PSG8: variants seen among roughly 807,000 people sequenced by gnomAD.
PSG8 encodes pregnancy-specific beta-1-glycoprotein 8.
A neutral mutation model predicts 42.5 loss-of-function variants in PSG8; 57 were observed. That is an observed-to-expected ratio of 1.34 (90% CI 1.08 to 1.67). The LOEUF (loss-of-function observed/expected upper bound fraction) is 1.67. Among genes scored for constraint, PSG8 ranks in the 40% most tolerant of loss-of-function variants. The probability of loss-of-function intolerance (pLI) is 0.00; values close to 1 mark genes in which losing one functional copy is unlikely to be tolerated. For synonymous variants in PSG8, 280 were observed against 196.8 expected (o/e 1.42, Z -3.54); for missense variants, 783 against 518.6 (o/e 1.51, Z -4.95).
At position 42,757,992 on chromosome 19, in the gene PSG8, A is replaced by G. The variant is rs1204683664; in HGVS notation, c.709+10T>C. The G allele has an allele frequency of 4.3e-6, 7 of 1,613,888 alleles. No homozygotes were observed. The highest frequency in any genetic ancestry group is 5.1e-6 in the Non-Finnish European group (6 of 1,179,950). On this transcript the variant is annotated intron_variant, in intron 3 of 4. Coordinates refer to ENST00000306511, the MANE Select transcript of PSG8 (RefSeq NM_182707.3). ...GCAGCCTGGCTCACAGAGGAACAGA[A>G]AATACTCACGGAGGAGATTCAGGGT...
chr19:42,757,381 C>A (rs1474163568), intron 3 of PSG8, among the ~76,000 whole-genome samples: 2 of 152,032 alleles, frequency 1.3e-5, no homozygotes, highest in African/African-American at 4.8e-5. Flanking sequence ...TTTGTTCCAG[C>A]AGTGGCTGAG....
downstream of PSG8, chr19:42,754,062 T>C: frequency 9.2e-7 from 1 of 1,082,164 alleles, no homozygotes; most frequent in East Asian, 2.7e-5. Context: ...ATGAAAATCA[T>C]AAAAACATTA....
intron 2 of PSG8, among the ~76,000 whole-genome samples, chr19:42,763,512 G>A (rs919640986): frequency 4.6e-5 from 7 of 152,158 alleles, no homozygotes; most frequent in African/African-American, 1.7e-4. Context: ...CAAGGATTTA[G>A]GGACACTGTT....
At position 42,764,342 on chromosome 19, in the gene PSG8, G is replaced by T. The variant is rs547448562; in HGVS notation, c.65-61C>A. The T allele has an allele frequency of 1.2e-5, 18 of 1,559,114 alleles. No individual in the cohort carries two copies. In the East Asian group the frequency reaches 4.0e-4, roughly 35 times the overall value. On this transcript the variant is annotated intron_variant, in intron 1 of 4. Transcript: ENST00000306511. ...GCTATGTATTGGTGTGAAAACATGG[G>T]GCCCTGGGTCCTGAGAAGTTCTCTT...
intron 3 of PSG8, among the ~76,000 whole-genome samples, chr19:42,756,297 T>G (rs1029408978): frequency 7.2e-5 from 11 of 152,164 alleles, no homozygotes; most frequent in African/African-American, 2.7e-4. Flanking sequence ...GACTGCTGGT[T>G]GCCAGGAGCT....
intron 2 of PSG8, among the ~76,000 whole-genome samples, chr19:42,761,256 G>A (rs1011384815): frequency 6.6e-6 from 1 of 152,182 alleles, no homozygotes; most frequent in East Asian, 1.9e-4. Context: ...TAAATTTGAA[G>A]CAAGAATGAT....
chr19:42,754,467 C>T lies in PSG8; in HGVS notation c.1109G>A (p.Gly370Glu), dbSNP rs766168104. The T allele has an allele frequency of 1.9e-6, 3 of 1,613,884 alleles. No homozygotes were observed. The highest frequency in any genetic ancestry group is 1.7e-5 in the Admixed American group (1 of 60,000). Residue 370 changes from glycine to glutamate, a missense_variant, in exon 5 of 5, where the codon GGG (glycine) becomes GAG (glutamate). Physicochemically the swap from Gly to Glu is moderately conservative, Grantham distance 98. Transcript: ENST00000306511. ...PPAQYSWTIN[G>E]KFQLSGQKLF... The stretch of plus-strand genomic sequence containing the variant: ...CTTTTGTCCTGATAGCTGAAACTTC[C>T]CATTAATTGTCCAAGAATACTGTGC...
At chr19:42,765,238 T>C (rs1417324039) in intron 1 of PSG8, among the ~76,000 whole-genome samples, 2 of 151,774 alleles carry the variant, frequency 1.3e-5, no homozygotes, top group African/African-American at 2.4e-5. Context: ...CTGCAACTTC[T>C]GCCTCCTGGG....
Position 42,764,183 on chromosome 19 carries a change from C to G in PSG8, c.163G>C (p.Val55Leu), listed in dbSNP as rs758194328. 1 of 1,613,852 alleles carries G rather than the reference C, an allele frequency of 6.2e-7. No individual in the cohort carries two copies. Among genetic ancestry groups the G allele is most frequent in the Non-Finnish European group, 8.5e-7 (1 of 1,179,904 alleles). Reference sequence around the variant, plus strand: ...GTAAGATTCTGGGGCAAATTGTGGACAAGTAGAAGAACATCCTTCCCCTCA... The same window carrying G: ...GTAAGATTCTGGGGCAAATTGTGGAGAAGTAGAAGAACATCCTTCCCCTCA... ...VSEGKDVLLLVHNLPQNLTGY... is the reference protein window; with the variant it reads ...VSEGKDVLLLLHNLPQNLTGY... The change falls in exon 2 of 5, where the codon GTC becomes CTC. Residue 55 changes from valine to leucine, a missense_variant. Transcript: ENST00000306511.
chr19:42,754,253 A>T lies in PSG8; in HGVS notation c.*42T>A, dbSNP rs1969851919. On this transcript the variant is annotated 3_prime_UTR_variant, in exon 5 of 5. Coordinates refer to ENST00000306511, the MANE Select transcript of PSG8 (RefSeq NM_182707.3). ...CCATGGGACGCAGGCTGGGAATAAAAATGTTTTCCTGACTCTTCCCTGAAG... is the reference window on the plus strand; with the variant it reads ...CCATGGGACGCAGGCTGGGAATAAATATGTTTTCCTGACTCTTCCCTGAAG... The T allele has an allele frequency of 6.2e-7, 1 of 1,602,554 alleles. No individual in the cohort carries two copies. The highest frequency in any genetic ancestry group is 8.5e-7 in the Non-Finnish European group (1 of 1,174,394).
At chr19:42,761,216 C>T (rs1197024124) in intron 2 of PSG8, among the ~76,000 whole-genome samples, 6 of 152,176 alleles carry the variant, frequency 3.9e-5, no homozygotes, top group South Asian at 4.1e-4. Flanking sequence ...ATAGGCCAGG[C>T]TAACCTTGGG....
At chr19:42,764,425 C>T in intron 1 of PSG8, 144 bp from the exon 2 acceptor site, 1 of 1,395,738 alleles carries the variant, frequency 7.2e-7, no homozygotes, top group Non-Finnish European at 9.7e-7. Flanking sequence ...CACACACACA[C>T]ACAAAAGCGG....
intron 2 of PSG8, among the ~76,000 whole-genome samples, chr19:42,762,308 G>T (rs1970096624): frequency 6.6e-6 from 1 of 151,902 alleles, no homozygotes; most frequent in Non-Finnish European, 1.5e-5. Context: ...GGGACCAGGT[G>T]CCCCCAGCTC....
At chr19:42,760,499 A>G (rs1970046215) in intron 2 of PSG8, among the ~76,000 whole-genome samples, 2 of 152,242 alleles carry the variant, frequency 1.3e-5, no homozygotes, top group East Asian at 1.9e-4. Context: ...GGAAGTTTCT[A>G]TTGACGTATC....
chr19:42,754,186 A>G, downstream of PSG8: 1 of 1,530,094 alleles, frequency 6.5e-7, no homozygotes, highest in Non-Finnish European at 8.8e-7. Flanking sequence ...TTCTTAGACA[A>G]ATTTGGAGGG....
rs371075439 is a variant in PSG8, at chr19:42,764,293, A to T, written c.65-12T>A. 2 of 1,608,936 alleles carry T rather than the reference A, an allele frequency of 1.2e-6. No homozygotes were observed. The highest frequency in any genetic ancestry group is 1.7e-6 in the Non-Finnish European group (2 of 1,177,462). On this transcript the variant is annotated splice_polypyrimidine_tract_variant and intron_variant, in intron 1 of 4. Transcript: ENST00000306511. ...GTTTAAAAGTGATGCTAGGAGGTGG[A>T]GAGAGCATCAGTCAATATTGAGAGC...
intron 2 of PSG8, among the ~76,000 whole-genome samples, chr19:42,763,518 C>T (rs930980053): frequency 1.4e-4 from 22 of 152,244 alleles, no homozygotes; most frequent in African/African-American, 4.8e-4. Context: ...TTTAGGGACA[C>T]TGTTCTGGGG....
intron 3 of PSG8, chr19:42,755,660 G>T (rs940065985): frequency 5.7e-5 from 16 of 279,120 alleles, no homozygotes; most frequent in Non-Finnish European, 8.7e-5. Context: ...TGTCCCCCTA[G>T]ATGTGATTTC....
At position 42,764,124 on chromosome 19, in the gene PSG8, G is replaced by T. The variant is rs773480083; in HGVS notation, c.222C>A (p.Asp74Glu). The T allele has an allele frequency of 9.9e-6, 16 of 1,613,858 alleles. No homozygotes were observed. The highest frequency in any genetic ancestry group is 1.4e-5 in the Non-Finnish European group (16 of 1,179,882). Reference protein sequence around the residue: ...GYIWYKGQIRDLYHYITSYVV... With the variant: ...GYIWYKGQIRELYHYITSYVV... ...CATATGATGTAATGTAATGGTAGAG[G>T]TCCCTGATTTGCCCTTTGTACCAGA... The change falls in exon 2 of 5, where the codon GAC (aspartate) becomes GAA (glutamate). Residue 74 changes from aspartate (D) to glutamate (E), a missense_variant. Physicochemically the swap from Asp to Glu is conservative, Grantham distance 45. Coordinates refer to ENST00000306511, the MANE Select transcript of PSG8 (RefSeq NM_182707.3).
Sources: allele counts gnomAD v4.1 joint callset (sites outside exome capture counted in the v4.1 genomes callset), GRCh38; gene constraint gnomAD v4.1.1; transcripts MANE v1.5; gene names NCBI Gene and HGNC (gene_info 2026-07-23, HGNC 2026-07-21).